Variants in COL4A6 observed in about 807,000 individuals in gnomAD.
COL4A6 encodes the protein collagen type IV alpha 6 chain.
In COL4A6, 59 loss-of-function variants were observed where a neutral mutation model predicts 126.7. That is an observed-to-expected ratio of 0.47 (90% confidence interval 0.38 to 0.58). The LOEUF (loss-of-function observed/expected upper bound fraction) is 0.58, where lower values mean the gene tolerates loss of function less well. Ranked by LOEUF, COL4A6 falls within the 20% of genes least tolerant of loss-of-function variation. COL4A6 has a pLI of 0.00. For missense variants in COL4A6, 1,285 were observed against 1,337.3 expected (o/e 0.96, Z 0.61); for synonymous variants, 547 against 496.6 (o/e 1.10, Z -1.35).
At chrX:108,228,808 G>C (rs2036235870) in intron 3 of COL4A6, among the ~76,000 whole-genome samples, 1 of 112,254 alleles carries the variant, frequency 8.9e-6, no homozygotes, top group African/African-American at 3.2e-5. Context: ...GGGGATTACG[G>C]GAACTACAGT....
intron 5 of COL4A6, among the ~76,000 whole-genome samples, chrX:108,217,474 G>C (rs1219180526): frequency 9.0e-6 from 1 of 111,380 alleles, no homozygotes; most frequent in Non-Finnish European, 1.9e-5. Context: ...AATATCTTTA[G>C]AGTGTTTACT....
At chrX:108,307,573 A>G (rs1024112422) in intron 3 of COL4A6, among the ~76,000 whole-genome samples, 8 of 112,390 alleles carry the variant, frequency 7.1e-5, no homozygotes, top group African/African-American at 2.6e-4. Flanking sequence ...GGAAAAGTAC[A>G]CACTGCCCAG....
intron 3 of COL4A6, among the ~76,000 whole-genome samples, chrX:108,272,197 A>C: frequency 9.0e-6 from 1 of 111,439 alleles, no homozygotes; most frequent in Non-Finnish European, 1.9e-5. Flanking sequence ...ACAGCCTATA[A>C]ACTTCCTGGC....
chrX:108,188,651 C>T lies in COL4A6; in HGVS notation c.1453G>A (p.Gly485Ser), dbSNP rs1295084851. ...GGTGGTCCAGTGTTGGGAACACCACCGTCACAAGCACAGAAACCTGAGTCT... is the reference window on the plus strand; with the variant it reads ...GGTGGTCCAGTGTTGGGAACACCACTGTCACAAGCACAGAAACCTGAGTCT... The part of the protein sequence containing the change: ...KGDSGFCACD[G>S]GVPNTGPPGE... Residue 485 changes from glycine to serine, a missense_variant, in exon 21 of 45, where the codon GGT (glycine) becomes AGT (serine). Transcript: ENST00000334504. 6.0e-6 allele frequency: 7 copies of T among 1,167,038 alleles called. No homozygotes were observed. In the East Asian group the frequency reaches 9.3e-5, roughly 15 times the overall value.
rs751864721 is a variant in COL4A6 at position 108,165,464 on chromosome X, A to G, written c.3714T>C (p.Pro1238=). The G allele has an allele frequency of 8.5e-7, 1 of 1,180,574 alleles. No individual in the cohort carries two copies. The highest frequency in any genetic ancestry group is 3.0e-5 in the East Asian group (1 of 33,355). The change falls in exon 38 of 45, where the codon CCT becomes CCC. Residue 1238 remains proline (P), a synonymous_variant. Transcript: ENST00000334504. Reference sequence around the variant, plus strand: ...TGCCTGGGGCACCGGGGAGACCAGCAGGGCCCTGGAGACCTGGGAAACCTG... The same window carrying G: ...TGCCTGGGGCACCGGGGAGACCAGCGGGGCCCTGGAGACCTGGGAAACCTG... ...GDRGFPGLQG[P]AGLPGAPGIS...
At position 108,219,819 on chromosome X, in the gene COL4A6, T is replaced by A. The variant is rs2295921; in HGVS notation, c.280-77A>T. On this transcript the variant is annotated intron_variant, in intron 4 of 44. Transcript: ENST00000334504. The stretch of plus-strand genomic sequence containing the variant: ...GTTAGACTCAGTAGGTTTATGAGAG[T>A]CAATGGCCTACATTTTTAAGAAGTG... The A allele has an allele frequency of 0.014, 11,381 of 832,573 alleles. 414 individuals carry two copies. Among genetic ancestry groups the A allele is most frequent in the African/African-American group, 0.12 (5,955 of 48,444 alleles). 68.6% of individuals were successfully genotyped at this position (832,573 alleles called of 1,213,427 possible). A position where few individuals can be genotyped will look rare whatever the true frequency, so the allele number is the denominator to read the frequency against.
At chrX:108,385,572 A>T (rs1310297228) in intron 2 of COL4A6, among the ~76,000 whole-genome samples, 1 of 111,820 alleles carries the variant, frequency 8.9e-6, no homozygotes. Context: ...TGGAGGATTC[A>T]CATTTCCTCC....
chrX:108,188,032 C>G lies in COL4A6; in HGVS notation c.1588-5G>C, dbSNP rs1266543074. The G allele has an allele frequency of 8.5e-7, 1 of 1,180,335 alleles. No individual in the cohort carries two copies. Among genetic ancestry groups the G allele is most frequent in the Non-Finnish European group, 1.1e-6 (1 of 874,943 alleles). On this transcript the variant is annotated splice_polypyrimidine_tract_variant and splice_region_variant and intron_variant, in intron 21 of 44. Transcript: ENST00000334504. ...ACCCAGAGGCCCAACTAAGCCCTGA[C>G]AAAGAAAAGAGAGAAGAGGGAGTAG...
At chrX:108,395,204 G>A (rs986402408) in intron 2 of COL4A6, among the ~76,000 whole-genome samples, 1 of 111,527 alleles carries the variant, frequency 9.0e-6, no homozygotes, top group African/African-American at 3.3e-5. Flanking sequence ...CCTTTTCCTA[G>A]CAAAGTTTAT....
intron 3 of COL4A6, among the ~76,000 whole-genome samples, chrX:108,226,863 C>A (rs1353486395): frequency 9.0e-6 from 1 of 111,631 alleles, no homozygotes; most frequent in Non-Finnish European, 1.9e-5. Flanking sequence ...TGATCTCTAG[C>A]CCCATGGTCT....
rs1192378555 is a variant in COL4A6 at position 108,272,529 on chromosome X, C to T, written c.144+38219G>A. On this transcript the variant is annotated intron_variant, in intron 3 of 44. Transcript: ENST00000334504. ...ATAGCCAGCCTCAAATTTCTATCTCCCCATGAAAATTCTCTTCATAATAAA... is the reference window on the plus strand; with the variant it reads ...ATAGCCAGCCTCAAATTTCTATCTCTCCATGAAAATTCTCTTCATAATAAA... Among the ~76,000 whole-genome samples the T allele has an allele frequency of 2.7e-5, 3 of 111,435 alleles. No individual in the cohort carries two copies. In the Admixed American group the frequency reaches 2.9e-4, roughly 11 times the overall value.
chrX:108,360,446 A>G (rs899095952), intron 2 of COL4A6, among the ~76,000 whole-genome samples: 1 of 110,895 alleles, frequency 9.0e-6, no homozygotes, highest in African/African-American at 3.3e-5. Context: ...TGCAGAGAGG[A>G]GTACAGGATT....
intron 3 of COL4A6, among the ~76,000 whole-genome samples, chrX:108,263,079 G>T (rs1002119861): frequency 9.0e-6 from 1 of 111,102 alleles, no homozygotes; most frequent in Non-Finnish European, 1.9e-5. Flanking sequence ...CATCATGAAT[G>T]ACAGATTCTG....
chrX:108,191,386 A>G lies in COL4A6; in HGVS notation c.1321+7T>C. On this transcript the variant is annotated splice_region_variant and intron_variant, in intron 19 of 44. Coordinates refer to ENST00000334504, the MANE Select transcript of COL4A6 (RefSeq NM_033641.4). ...CTTGAGACCAAAAAGAGAAATGAGT[A>G]ACTTACTAGGTGGGCCTGGTGGACC... 1 of 1,207,804 alleles carries G rather than the reference A, an allele frequency of 8.3e-7. No individual in the cohort carries two copies. Among genetic ancestry groups the G allele is most frequent in the East Asian group, 3.0e-5 (1 of 33,721 alleles).
chrX:108,344,376 T>C (rs1238206597), intron 2 of COL4A6, among the ~76,000 whole-genome samples: 1 of 111,269 alleles, frequency 9.0e-6, no homozygotes, highest in African/African-American at 3.3e-5. Flanking sequence ...GGAACAGCTT[T>C]ACAAACAAAA....
At chrX:108,384,061 A>G (rs747155447) in intron 2 of COL4A6, 2 of 415,779 alleles carry the variant, frequency 4.8e-6, no homozygotes, top group Non-Finnish European at 7.6e-6. Context: ...CTATGCATTC[A>G]TTCATCCAGT....
chrX:108,174,439 C>T lies in COL4A6; in HGVS notation c.3138+1G>A. The T allele has an allele frequency of 1.7e-6, 2 of 1,210,688 alleles. No homozygotes were observed. Among genetic ancestry groups the T allele is most frequent in the Non-Finnish European group, 2.2e-6 (2 of 894,877 alleles). On this transcript the variant is annotated splice_donor_variant, in intron 31 of 44. Coordinates refer to ENST00000334504, the MANE Select transcript of COL4A6 (RefSeq NM_033641.4). LOFTEE classifies it high-confidence loss of function. ...AAAGACAAAGATCTGGTCACACTTA[C>T]ACTTTCTCCTGGCATTCCTGGGAAA...
chrX:108,216,302 A>G (rs774214564), intron 5 of COL4A6, among the ~76,000 whole-genome samples: 1 of 112,046 alleles, frequency 8.9e-6, no homozygotes, highest in South Asian at 3.8e-4. Flanking sequence ...AGGAATGGGT[A>G]GACAAGGCAT....
chrX:108,430,154 A>T (rs2064153923), intron 2 of COL4A6, among the ~76,000 whole-genome samples: 1 of 112,133 alleles, frequency 8.9e-6, no homozygotes, highest in Non-Finnish European at 1.9e-5. Flanking sequence ...AGAAAAAATT[A>T]TATTTGGTCT....
Sources: gnomAD v4.1 joint callset for allele counts (sites outside exome capture counted in the v4.1 genomes callset) on GRCh38, gnomAD v4.1.1 for gene constraint, MANE v1.5 for transcripts, NCBI Gene and HGNC (gene_info 2026-07-23, HGNC 2026-07-21) for gene names.